TLE4: variants seen among roughly 807,000 people sequenced by gnomAD.
TLE4 encodes TLE family member 4, transcriptional corepressor.
A neutral mutation model predicts 92.8 loss-of-function variants in TLE4; 8 were observed. The ratio of observed to expected loss-of-function variants is 0.09; its 90% CI spans 0.05 to 0.16. The LOEUF (loss-of-function observed/expected upper bound fraction) is 0.16. Ranked by LOEUF, TLE4 falls within the 10% of genes least tolerant of loss-of-function variation. TLE4 has a pLI of 1.00. For missense variants in TLE4, 675 were observed against 997.6 expected, an observed-to-expected ratio of 0.68 and a Z score of 4.36; for synonymous variants, 371 against 374.1, an observed-to-expected ratio of 0.99 and a Z score of 0.10.
intron 8 of TLE4, among the ~76,000 whole-genome samples, chr9:79,679,248 A>G (rs1247159967): frequency 6.6e-6 from 1 of 152,082 alleles, no homozygotes; most frequent in Non-Finnish European, 1.5e-5. Context: ...ATAGTGTAAA[A>G]GTGTTCCTAT....
chr9:79,677,155 G>T (rs1215819470), intron 8 of TLE4, among the ~76,000 whole-genome samples: 1 of 152,056 alleles, frequency 6.6e-6, no homozygotes, highest in African/African-American at 2.4e-5. Flanking sequence ...ATCTTATTGG[G>T]TTATTAAAAG....
intron 4 of TLE4, among the ~76,000 whole-genome samples, chr9:79,612,250 A>G (rs1490099034): frequency 6.6e-6 from 1 of 152,126 alleles, no homozygotes; most frequent in Non-Finnish European, 1.5e-5. Flanking sequence ...TGATTTGCTA[A>G]TTGATGGAGT....
chr9:79,639,368 A>T (rs928964422), intron 6 of TLE4, among the ~76,000 whole-genome samples: 6 of 152,218 alleles, frequency 3.9e-5, no homozygotes, highest in Non-Finnish European at 8.8e-5. Context: ...CAGACCACAT[A>T]TATGACAATG....
intron 4 of TLE4, among the ~76,000 whole-genome samples, chr9:79,601,728 A>G (rs2045717029): frequency 6.6e-6 from 1 of 152,100 alleles, no homozygotes; most frequent in African/African-American, 2.4e-5. Context: ...AGACAACAGT[A>G]TTGAAATTAG....
At chr9:79,667,543 C>T (rs2061600075) in intron 8 of TLE4, among the ~76,000 whole-genome samples, 1 of 152,010 alleles carries the variant, frequency 6.6e-6, no homozygotes, top group East Asian at 1.9e-4. Context: ...TAAAGATAAT[C>T]TCTAGGAACA....
intron 16 of TLE4, among the ~76,000 whole-genome samples, chr9:79,721,051 AAAG>A (rs1346439325): frequency 3.3e-5 from 5 of 152,188 alleles, no homozygotes; most frequent in Non-Finnish European, 5.9e-5. Context: ...CAGGTGTGTA[AAAG>A]AAGAAGGCTT....
rs902148161 is a variant in TLE4 at position 79,601,582 on chromosome 9, G to A, written c.253-11074G>A. 6.1e-5 allele frequency: 26 copies of A among 424,470 alleles called. No homozygotes were observed. In the Middle Eastern group the frequency reaches 2.4e-3, roughly 39 times the overall value. 26.3% of individuals were successfully genotyped at this position (424,470 alleles called of 1,614,324 possible). On this transcript the variant is annotated intron_variant, in intron 4 of 19. Transcript: ENST00000376552. ...ACATGATTTGTGGTTAGTGATCTTT[G>A]ATGTTACTATTGTAATAGTTTTAGA...
At chr9:79,592,183 C>CTCTTCTTCT (rs57278935) in intron 4 of TLE4, among the ~76,000 whole-genome samples, 5,650 of 135,204 alleles carry the variant, frequency 0.042, 178 homozygotes, top group Middle Eastern at 0.089. Context: ...CTTCCTCTTC[C>CTCTTCTTCT]TCTTCTTCTT....
intron 4 of TLE4, among the ~76,000 whole-genome samples, chr9:79,599,804 G>A (rs1281143027): frequency 6.6e-6 from 1 of 151,760 alleles, no homozygotes; most frequent in East Asian, 1.9e-4. Context: ...TTCTTTTTTT[G>A]TCCTTCCCTG....
At chr9:79,600,482 A>G (rs1335725181) in intron 4 of TLE4, among the ~76,000 whole-genome samples, 1 of 152,182 alleles carries the variant, frequency 6.6e-6, no homozygotes, top group Non-Finnish European at 1.5e-5. Context: ...CAACAACAAA[A>G]ACACACAAAA....
At chr9:79,709,468 G>A (rs2072658345) in intron 13 of TLE4, among the ~76,000 whole-genome samples, 155 bp from the exon 14 acceptor site, 1 of 151,992 alleles carries the variant, frequency 6.6e-6, no homozygotes, top group African/African-American at 2.4e-5. Flanking sequence ...CTAAACATTG[G>A]TTATCATTTC....
chr9:79,628,290 G>A (rs1038079396), intron 6 of TLE4, among the ~76,000 whole-genome samples: 5 of 151,708 alleles, frequency 3.3e-5, no homozygotes, highest in African/African-American at 1.2e-4. Flanking sequence ...ACTTTCTTTT[G>A]TGTATAGATT....
chr9:79,642,158 T>C (rs895955040), intron 6 of TLE4, among the ~76,000 whole-genome samples: 1 of 151,964 alleles, frequency 6.6e-6, no homozygotes, highest in Non-Finnish European at 1.5e-5. Context: ...ATTCCACCTC[T>C]GACGTTCTAA....
At chr9:79,647,854 G>C (rs2058330279) in intron 6 of TLE4, among the ~76,000 whole-genome samples, 1 of 151,964 alleles carries the variant, frequency 6.6e-6, no homozygotes, top group Non-Finnish European at 1.5e-5. Flanking sequence ...TCAGAATTGA[G>C]AGACAGTGGT....
chr9:79,625,255 G>A (rs1002836349), intron 5 of TLE4, among the ~76,000 whole-genome samples: 3 of 151,656 alleles, frequency 2.0e-5, no homozygotes, highest in African/African-American at 4.8e-5. Flanking sequence ...TCCTGACCTC[G>A]TGATCCGCCC....
intron 4 of TLE4, among the ~76,000 whole-genome samples, chr9:79,611,936 TA>T (rs34106000): frequency 0.23 from 18,095 of 78,418 alleles, 1,375 homozygotes; most frequent in African/African-American, 0.35. Flanking sequence ...ATATCCACAG[TA>T]AAAAAAAAAA....
chr9:79,660,705 CTG>C (rs1312716399), intron 8 of TLE4, among the ~76,000 whole-genome samples: 1 of 152,290 alleles, frequency 6.6e-6, no homozygotes, highest in African/African-American at 2.4e-5. Flanking sequence ...GGCATGTAAA[CTG>C]TGTGAAACGT....
intron 4 of TLE4, among the ~76,000 whole-genome samples, chr9:79,592,275 C>CTTTTT (rs1170642342): frequency 9.4e-6 from 1 of 106,918 alleles, no homozygotes; most frequent in Non-Finnish European, 2.0e-5. Context: ...TCTTCTTCTT[C>CTTTTT]TTTTTTTTTT....
chr9:79,677,562 G>C (rs933184339), intron 8 of TLE4, among the ~76,000 whole-genome samples: 2 of 150,586 alleles, frequency 1.3e-5, no homozygotes, highest in African/African-American at 4.9e-5. Flanking sequence ...TAATTTTTTT[G>C]AATTGGTAAT....
Sources: allele counts gnomAD v4.1 joint callset (sites outside exome capture counted in the v4.1 genomes callset), GRCh38; gene constraint gnomAD v4.1.1; transcripts MANE v1.5; gene names NCBI Gene and HGNC (gene_info 2026-07-23, HGNC 2026-07-21).